DLG2: variants seen among roughly 807,000 people sequenced by gnomAD.
DLG2 encodes disks large homolog 2.
Under a neutral mutation model 132.5 loss-of-function variants are expected in DLG2, and 45 were observed. The ratio of observed to expected loss-of-function variants is 0.34; its 90% confidence interval spans 0.27 to 0.44. The LOEUF (loss-of-function observed/expected upper bound fraction) is 0.44, where lower values mean the gene tolerates loss of function less well. Ranked by LOEUF, DLG2 falls within the 20% of genes least tolerant of loss-of-function variation. The pLI is 1.00. For synonymous variants in DLG2, 424 were observed against 419.6 expected, an observed-to-expected ratio of 1.01 and a Z score of -0.13; for missense variants, 1,045 against 1,196.9, an observed-to-expected ratio of 0.87 and a Z score of 1.87.
intron 18 of DLG2, among the ~76,000 whole-genome samples, chr11:83,735,609 G>C (rs2091796946): frequency 6.6e-6 from 1 of 152,134 alleles, no homozygotes; most frequent in South Asian, 2.1e-4. Context: ...TAATAATTAG[G>C]CTTTAAGACA....
intron 12 of DLG2, among the ~76,000 whole-genome samples, chr11:83,972,023 G>T (rs533994377): frequency 1.3e-5 from 2 of 152,152 alleles, no homozygotes; most frequent in East Asian, 3.9e-4. Context: ...AAGAACAGAA[G>T]CTAAGTACAG....
At chr11:84,755,986 A>C (rs1027413730) in intron 6 of DLG2, among the ~76,000 whole-genome samples, 1 of 152,242 alleles carries the variant, frequency 6.6e-6, no homozygotes, top group African/African-American at 2.4e-5. Context: ...GTACTTCATC[A>C]GTATATAAAA....
intron 6 of DLG2, among the ~76,000 whole-genome samples, chr11:84,718,527 T>C (rs2061463090): frequency 1.3e-5 from 2 of 152,298 alleles, no homozygotes; most frequent in Admixed American, 6.5e-5. Context: ...GTAAATGAAC[T>C]TGAAGGGTCG....
chr11:85,243,159 A>T (rs534658363), intron 4 of DLG2, among the ~76,000 whole-genome samples: 1 of 152,116 alleles, frequency 6.6e-6, no homozygotes, highest in South Asian at 2.1e-4. Context: ...CTTTCTGTAT[A>T]CCCACAGGTT....
chr11:83,580,905 C>T (rs1478289256), intron 19 of DLG2, among the ~76,000 whole-genome samples: 1 of 141,942 alleles, frequency 7.0e-6, no homozygotes, highest in African/African-American at 2.6e-5. Flanking sequence ...CTTCCCCTCC[C>T]CTCCCCTCCC....
At chr11:83,812,186 T>C (rs1428820958) in intron 17 of DLG2, among the ~76,000 whole-genome samples, 1 of 152,144 alleles carries the variant, frequency 6.6e-6, no homozygotes, top group Non-Finnish European at 1.5e-5. Flanking sequence ...ACTTCTCCTA[T>C]GAAATTCTCC....
At chr11:85,364,585 T>C (rs2084396124) in intron 3 of DLG2, among the ~76,000 whole-genome samples, 1 of 152,276 alleles carries the variant, frequency 6.6e-6, no homozygotes, top group South Asian at 2.1e-4. Context: ...CTTTTTTCCT[T>C]ACTGCCCTTC....
In DLG2 at chr11:85,116,426, T is replaced by C. The variant is rs1344498554; in HGVS notation, c.283-4691A>G. Among the ~76,000 whole-genome samples, 7 of 152,104 alleles carry C rather than the reference T, an allele frequency of 4.6e-5. 1 individual carries two copies. The highest frequency in any genetic ancestry group is 1.7e-4 in the African/African-American group (7 of 41,544). On this transcript the variant is annotated intron_variant, in intron 5 of 27. Transcript: ENST00000376104. ...TATAATATATATCTATATTTGTATG[T>C]ATGTATCTACATACACATCATGTGT...
intron 3 of DLG2, among the ~76,000 whole-genome samples, chr11:85,415,975 G>A (rs1284243862): frequency 6.6e-6 from 1 of 152,160 alleles, no homozygotes; most frequent in African/African-American, 2.4e-5. Context: ...TATTGCCTAG[G>A]TTTTCTTCTA....
intron 11 of DLG2, among the ~76,000 whole-genome samples, chr11:84,016,972 T>A (rs920418092): frequency 6.6e-6 from 1 of 152,046 alleles, no homozygotes; most frequent in Non-Finnish European, 1.5e-5. Context: ...GGAAGTAACT[T>A]TTTCTGTTGA....
intron 18 of DLG2, among the ~76,000 whole-genome samples, chr11:83,687,728 G>T (rs1396074331): frequency 6.6e-6 from 1 of 151,974 alleles, no homozygotes; most frequent in Admixed American, 6.6e-5. Flanking sequence ...AATGTTTCTG[G>T]TTTATGAAAC....
intron 7 of DLG2, among the ~76,000 whole-genome samples, chr11:84,408,200 G>T (rs1056205417): frequency 6.6e-6 from 1 of 152,052 alleles, no homozygotes; most frequent in Non-Finnish European, 1.5e-5. Context: ...ATCAACCAAC[G>T]GGGGCAGAAG....
At chr11:83,805,878 T>C (rs1237355435) in intron 17 of DLG2, among the ~76,000 whole-genome samples, 1 of 152,112 alleles carries the variant, frequency 6.6e-6, no homozygotes, top group East Asian at 1.9e-4. Flanking sequence ...GTGGAAAAAG[T>C]GAGGCACAGA....
intron 6 of DLG2, among the ~76,000 whole-genome samples, chr11:84,856,743 C>T (rs780131667): frequency 1.1e-4 from 17 of 151,988 alleles, no homozygotes; most frequent in East Asian, 1.9e-4. Context: ...AAGACTGAGA[C>T]GAAAGTCCCT....
Position 85,266,938 on chromosome 11 carries a change from A to G in DLG2, c.186+18282T>C, listed in dbSNP as rs556802210. 3.2e-4 allele frequency among the ~76,000 whole-genome samples: 48 copies of G among 152,358 alleles called. 1 individual carries two copies. In the South Asian group the frequency reaches 9.5e-3, roughly 30 times the overall value. ...TAAACTTTCCATTCTGGGTAATAAC[A>G]GTTTTTTCAGGATATCCTTTGGTAG... On this transcript the variant is annotated intron_variant, in intron 4 of 27. Transcript: ENST00000376104.
intron 2 of DLG2, among the ~76,000 whole-genome samples, chr11:85,624,753 T>A (rs1047193023): frequency 6.6e-6 from 1 of 152,166 alleles, no homozygotes; most frequent in African/African-American, 2.4e-5. Context: ...AAGGAAAATA[T>A]ACAACATATA....
chr11:85,399,573 T>C (rs1034229409), intron 3 of DLG2, among the ~76,000 whole-genome samples: 4 of 152,016 alleles, frequency 2.6e-5, no homozygotes, highest in Non-Finnish European at 5.9e-5. Flanking sequence ...GTACTGGTAC[T>C]AAAACAGACA....
rs185493048 is a variant in DLG2 at position 84,120,234 on chromosome 11, C to A, written c.625-21187G>T. Among the ~76,000 whole-genome samples the A allele has an allele frequency of 2.0e-3, 298 of 152,146 alleles. 1 individual carries two copies. Among genetic ancestry groups the A allele is most frequent in the African/African-American group, 7.0e-3 (292 of 41,500 alleles). ...CTTGTCCCTTGTCTCGGTATTTCAC[C>A]ATGTTAAAAGGTATTTACATACCAG... On this transcript the variant is annotated intron_variant, in intron 9 of 27. Coordinates refer to ENST00000376104, the MANE Select transcript of DLG2 (RefSeq NM_001142699.3).
intron 6 of DLG2, among the ~76,000 whole-genome samples, chr11:85,020,308 G>A (rs2059933787): frequency 6.6e-6 from 1 of 152,038 alleles, no homozygotes; most frequent in East Asian, 1.9e-4. Flanking sequence ...ACTTTTTGAT[G>A]GGGTTGATTT....
Sources: allele counts gnomAD v4.1 joint callset (sites outside exome capture counted in the v4.1 genomes callset), GRCh38; gene constraint gnomAD v4.1.1; transcripts MANE v1.5; gene names NCBI Gene and HGNC (gene_info 2026-07-23, HGNC 2026-07-21).